RABGAP1L: variants seen among roughly 807,000 people sequenced by gnomAD.
RABGAP1L encodes rab GTPase-activating protein 1-like.
In RABGAP1L, 63 loss-of-function variants were observed where a neutral mutation model predicts 137.7. The observed-to-expected ratio is 0.46, with a 90% confidence interval of 0.37 to 0.56. The LOEUF is 0.56. Among genes scored for constraint, RABGAP1L ranks in the 20% least tolerant of loss-of-function variants. The probability of loss-of-function intolerance (pLI) is 0.00; values close to 1 mark genes in which losing one functional copy is unlikely to be tolerated. For missense variants in RABGAP1L, 1,095 were observed against 1,244.0 expected, an observed-to-expected ratio of 0.88 and a Z score of 1.80; for synonymous variants, 431 against 433.7, an observed-to-expected ratio of 0.99 and a Z score of 0.08.
At chr1:174,937,429 T>C (rs1665029981) in intron 19 of RABGAP1L, among the ~76,000 whole-genome samples, 1 of 146,418 alleles carries the variant, frequency 6.8e-6, no homozygotes, top group African/African-American at 2.6e-5. Flanking sequence ...GGATAATAGG[T>C]GCCCGCCACC....
chr1:174,239,229 T>A (rs1335446376), intron 4 of RABGAP1L, among the ~76,000 whole-genome samples: 1 of 152,214 alleles, frequency 6.6e-6, no homozygotes, highest in Non-Finnish European at 1.5e-5. Context: ...ACCCGTCTTC[T>A]GCGTCGCTCA....
chr1:174,316,749 C>T (rs1244153562), intron 11 of RABGAP1L, among the ~76,000 whole-genome samples: 1 of 152,096 alleles, frequency 6.6e-6, no homozygotes, highest in African/African-American at 2.4e-5. Context: ...GTGGGGAGGT[C>T]CCTCAGACCC....
intron 13 of RABGAP1L, among the ~76,000 whole-genome samples, chr1:174,534,818 A>G (rs1664776684): frequency 6.7e-6 from 1 of 149,030 alleles, no homozygotes; most frequent in African/African-American, 2.5e-5. Context: ...TTAGAATAGT[A>G]TGCCAGTATC....
chr1:174,479,290 C>T (rs978963442), intron 13 of RABGAP1L, among the ~76,000 whole-genome samples: 1 of 152,074 alleles, frequency 6.6e-6, no homozygotes, highest in African/African-American at 2.4e-5. Context: ...ATGCATTTGC[C>T]CAGTGTTACA....
At chr1:174,521,492 A>C (rs1663390231) in intron 13 of RABGAP1L, among the ~76,000 whole-genome samples, 1 of 152,238 alleles carries the variant, frequency 6.6e-6, no homozygotes. Flanking sequence ...GCAAAAAAGC[A>C]AAAAGGACTT....
intron 13 of RABGAP1L, among the ~76,000 whole-genome samples, chr1:174,438,737 T>G (rs1487190197): frequency 1.8e-5 from 2 of 111,800 alleles, no homozygotes; most frequent in African/African-American, 4.2e-5. Flanking sequence ...AAAAAAAGTG[T>G]GTGTGTGTAT....
intron 14 of RABGAP1L, among the ~76,000 whole-genome samples, chr1:174,660,710 C>G (rs375583843): frequency 6.6e-6 from 1 of 152,232 alleles, no homozygotes; most frequent in Non-Finnish European, 1.5e-5. Context: ...TGGCTGTTCT[C>G]TCTGCCTGGA....
At chr1:174,745,778 A>G (rs556120176) in intron 17 of RABGAP1L, among the ~76,000 whole-genome samples, 2 of 152,346 alleles carry the variant, frequency 1.3e-5, no homozygotes, top group African/African-American at 4.8e-5. Flanking sequence ...CACTTGATGT[A>G]TGCTATCTCA....
intron 8 of RABGAP1L, chr1:174,275,316 C>T (rs1011030920): frequency 6.6e-6 from 1 of 151,980 alleles, no homozygotes; most frequent in Admixed American, 6.6e-5. Context: ...AGAAAATAGA[C>T]AAGTGTTAAT....
chr1:174,184,157 G>T (rs918149468), intron 1 of RABGAP1L, among the ~76,000 whole-genome samples: 3 of 152,042 alleles, frequency 2.0e-5, no homozygotes, highest in Admixed American at 6.6e-5. Flanking sequence ...GTGAGCCACC[G>T]TGCCCGGCAG....
intron 19 of RABGAP1L, among the ~76,000 whole-genome samples, chr1:174,873,016 C>T (rs1287176140): frequency 6.6e-6 from 1 of 152,176 alleles, no homozygotes; most frequent in East Asian, 1.9e-4. Flanking sequence ...CTCCAGGGTG[C>T]TACCCATCTA....
chr1:174,530,057 C>T (rs919433860), intron 13 of RABGAP1L, among the ~76,000 whole-genome samples: 1 of 151,894 alleles, frequency 6.6e-6, no homozygotes, highest in African/African-American at 2.4e-5. Flanking sequence ...CGCATGCTAC[C>T]GTCAGGATGC....
intron 19 of RABGAP1L, among the ~76,000 whole-genome samples, chr1:174,832,571 ATG>A: frequency 6.8e-6 from 1 of 148,044 alleles, no homozygotes; most frequent in Non-Finnish European, 1.5e-5. Flanking sequence ...ACTAAGTGCT[ATG>A]AGCATGTTGC....
intron 11 of RABGAP1L, among the ~76,000 whole-genome samples, chr1:174,327,992 T>TATATATATATATATATATACATAC (rs1680656657): frequency 3.5e-5 from 2 of 57,614 alleles, no homozygotes; most frequent in African/African-American, 1.6e-4. Context: ...CACACATATA[T>TATATATATATATATATATACATAC]ATATATATAT....
At chr1:174,206,705 C>G (rs1668526135) in intron 1 of RABGAP1L, among the ~76,000 whole-genome samples, 1 of 152,118 alleles carries the variant, frequency 6.6e-6, no homozygotes, top group Admixed American at 6.5e-5. Flanking sequence ...GAAATTAGAT[C>G]ACGTGCACTG....
Position 174,219,143 on chromosome 1 carries a change from G to C in RABGAP1L, c.-15G>C. On this transcript the variant is annotated 5_prime_UTR_variant, in exon 2 of 26. Coordinates refer to ENST00000681986, the MANE Select transcript of RABGAP1L (RefSeq NM_001366446.1). ...TTTCCAGGTGGTTGTGGGAAGAGAAGTTTGCAGAACTGAAATGGAGGTCAG... is the reference window on the plus strand; with the variant it reads ...TTTCCAGGTGGTTGTGGGAAGAGAACTTTGCAGAACTGAAATGGAGGTCAG... 6.3e-7 allele frequency: 1 copy of C among 1,579,664 alleles called. No individual in the cohort carries two copies. Among genetic ancestry groups the C allele is most frequent in the South Asian group, 1.2e-5 (1 of 82,840 alleles).
At chr1:174,447,964 A>G (rs906864692) in intron 13 of RABGAP1L, 3 of 401,970 alleles carry the variant, frequency 7.5e-6, no homozygotes, top group East Asian at 1.2e-4. Context: ...AGACTTGAGC[A>G]CTCTCTGGGA....
In RABGAP1L at chr1:174,739,397, G is replaced by A. The variant is rs138208552; in HGVS notation, c.2170-12916G>A. ...TATGATTCACTGGTTAGAAGTTGTA[G>A]ATTTTACATATCCCTGATGTATAGA... On this transcript the variant is annotated intron_variant, in intron 17 of 25. Transcript: ENST00000681986. 3.9e-3 allele frequency among the ~76,000 whole-genome samples: 589 copies of A among 152,294 alleles called. 15 individuals carry two copies. The highest frequency in any genetic ancestry group is 0.033 in the Admixed American group (500 of 15,292).
intron 13 of RABGAP1L, among the ~76,000 whole-genome samples, chr1:174,513,800 T>C (rs1447860473): frequency 6.6e-6 from 1 of 152,000 alleles, no homozygotes; most frequent in Non-Finnish European, 1.5e-5. Context: ...TATAGTAACA[T>C]CTAAAAATAG....
Sources: allele counts gnomAD v4.1 joint callset (sites outside exome capture counted in the v4.1 genomes callset), GRCh38; gene constraint gnomAD v4.1.1; transcripts MANE v1.5; gene names NCBI Gene and HGNC (gene_info 2026-07-23, HGNC 2026-07-21).